Variants in OCLN observed in about 807,000 individuals in gnomAD.
OCLN encodes the protein phosphatase 1, regulatory subunit 115.
In OCLN, 21 loss-of-function variants were observed where a neutral mutation model predicts 47.9. That is an observed-to-expected ratio of 0.44 (90% CI 0.31 to 0.63). The LOEUF (loss-of-function observed/expected upper bound fraction) is 0.63. Ranked by LOEUF, OCLN falls within the 30% of genes least tolerant of loss-of-function variation. The pLI, the probability that OCLN is intolerant of heterozygous loss-of-function variation, is 0.08. For synonymous variants in OCLN, 117 were observed against 198.4 expected, an observed-to-expected ratio of 0.59 and a Z score of 3.45; for missense variants, 360 against 571.0, an observed-to-expected ratio of 0.63 and a Z score of 3.77.
At chr5:69,527,353 G>C (rs969326071) in intron 4 of OCLN, among the ~76,000 whole-genome samples, 3 of 152,094 alleles carry the variant, frequency 2.0e-5, no homozygotes, top group Admixed American at 6.5e-5. Context: ...ACCATTCCAC[G>C]GCTGCTAGTC....
intron 1 of OCLN, among the ~76,000 whole-genome samples, chr5:69,503,779 A>T (rs535500982): frequency 6.6e-6 from 1 of 152,276 alleles, no homozygotes; most frequent in African/African-American, 2.4e-5. Context: ...TTTTATTATC[A>T]TTTTTAATGA....
chr5:69,523,567 G>A (rs1295561082), intron 4 of OCLN, among the ~76,000 whole-genome samples: 2 of 147,740 alleles, frequency 1.4e-5, no homozygotes, highest in East Asian at 2.0e-4. Flanking sequence ...ATGAAGTCTT[G>A]CTCTGTCACA....
chr5:69,493,265 G>T lies in OCLN; in HGVS notation c.-69+365G>T, dbSNP rs1020370479. Among the ~76,000 whole-genome samples the T allele has an allele frequency of 1.4e-4, 21 of 152,012 alleles. No homozygotes were observed. The highest frequency in any genetic ancestry group is 2.8e-4 in the Non-Finnish European group (19 of 67,974). On this transcript the variant is annotated intron_variant, in intron 1 of 8. Coordinates refer to ENST00000396442, the MANE Select transcript of OCLN (RefSeq NM_001205254.2). This position sits in a 1 kb window ranked among gnomAD's most constrained non-coding sequence, Gnocchi z 5.3. The stretch of plus-strand genomic sequence containing the variant: ...TGCATCCGCTCTGGGGCTGCAGTTT[G>T]GGGGGGCGGCCTTCATGGAGAGGGA...
chr5:69,549,584 G>A (rs1580596583), intron 7 of OCLN, among the ~76,000 whole-genome samples: 1 of 138,690 alleles, frequency 7.2e-6, no homozygotes, highest in African/African-American at 2.6e-5. Flanking sequence ...TCCCTCCCTT[G>A]ATCACCTGGC....
chr5:69,529,367 C>A (rs969660112), intron 4 of OCLN, among the ~76,000 whole-genome samples: 14 of 152,196 alleles, frequency 9.2e-5, no homozygotes, highest in African/African-American at 3.4e-4. Flanking sequence ...CAGAACACTT[C>A]TAATGAGTAC....
At chr5:69,498,766 G>C (rs1022936919) in intron 1 of OCLN, among the ~76,000 whole-genome samples, 2 of 151,844 alleles carry the variant, frequency 1.3e-5, no homozygotes, top group African/African-American at 4.8e-5. Flanking sequence ...TGCAAACTCT[G>C]CCTCCTGGGC....
intron 2 of OCLN, among the ~76,000 whole-genome samples, chr5:69,505,428 G>A (rs1265222014): frequency 6.6e-6 from 1 of 152,082 alleles, no homozygotes; most frequent in Non-Finnish European, 1.5e-5. Flanking sequence ...CCTATCCATT[G>A]GCAGTCACCT....
chr5:69,516,690 T>G (rs1047050847), intron 4 of OCLN, among the ~76,000 whole-genome samples: 1 of 152,188 alleles, frequency 6.6e-6, no homozygotes, highest in Admixed American at 6.5e-5. Context: ...TCCTATATGA[T>G]GTGATTTGCT....
At chr5:69,525,915 G>T (rs1035286497) in intron 4 of OCLN, among the ~76,000 whole-genome samples, 2 of 152,256 alleles carry the variant, frequency 1.3e-5, no homozygotes, top group Non-Finnish European at 2.9e-5. Context: ...ACCCTCAGCT[G>T]TTCTCATGCC....
intron 3 of OCLN, 88 bp downstream of exon 3, chr5:69,509,907 T>A: frequency 2.0e-6 from 2 of 1,003,440 alleles, no homozygotes; most frequent in Non-Finnish European, 3.1e-6. Flanking sequence ...TGGAAACTCT[T>A]AAAAAATATT....
At chr5:69,499,694 C>T (rs1331145169) in intron 1 of OCLN, among the ~76,000 whole-genome samples, 4 of 152,096 alleles carry the variant, frequency 2.6e-5, no homozygotes, top group Admixed American at 1.3e-4. Flanking sequence ...AAGCGATTCT[C>T]CTGCCTCAGC....
chr5:69,513,614 A>G (rs571729735), intron 3 of OCLN, among the ~76,000 whole-genome samples: 64 of 152,344 alleles, frequency 4.2e-4, no homozygotes, highest in Admixed American at 2.3e-3. Context: ...GTAGGTGCAC[A>G]AAGCTTGGCC....
intron 1 of OCLN, among the ~76,000 whole-genome samples, chr5:69,501,064 G>A (rs922535478): frequency 9.2e-5 from 14 of 151,942 alleles, no homozygotes; most frequent in African/African-American, 2.7e-4. Context: ...TTACAGGCAC[G>A]TGCCACCATG....
At chr5:69,530,487 G>C (rs1489764096) in intron 4 of OCLN, 1 of 152,010 alleles carries the variant, frequency 6.6e-6, no homozygotes, top group Non-Finnish European at 1.5e-5. Context: ...AAATATTTTA[G>C]CCTTTTTTCA....
Position 69,509,746 on chromosome 5 carries a change from T to C in OCLN, c.656T>C (p.Phe219Ser), listed in dbSNP as rs267606926. 4 of 1,614,166 alleles carry C rather than the reference T, an allele frequency of 2.5e-6. No homozygotes were observed. Among genetic ancestry groups the C allele is most frequent in the Non-Finnish European group, 3.4e-6 (4 of 1,180,010 alleles). Residue 219 changes from phenylalanine to serine, a missense_variant, in exon 3 of 9, where the codon TTT becomes TCT. Phe to Ser is a radical substitution (Grantham distance 155, BLOSUM62 -2). Around this residue, in one of 3 missense-constraint regions of OCLN, gnomAD observed 314 missense variants for 368.1 expected, o/e 0.85. Coordinates refer to ENST00000396442, the MANE Select transcript of OCLN (RefSeq NM_001205254.2). ...GSQIYALCNQ[F>S]YTPAATGLYV... ...CAAATATATGCCCTCTGCAACCAAT[T>C]TTATACACCTGCAGCTACTGGACTC...
In OCLN at chr5:69,504,227, G is replaced by C. The variant is rs769150064; in HGVS notation, c.-18G>C. On this transcript the variant is annotated 5_prime_UTR_variant, in exon 2 of 9. Transcript: ENST00000396442. The stretch of plus-strand genomic sequence containing the variant: ...GCATTGCTCATCCTGAAGATCAGCT[G>C]ACCATTGACAATCAGCCATGTCATC... 6.3e-7 allele frequency: 1 copy of C among 1,596,450 alleles called. No homozygotes were observed. Among genetic ancestry groups the C allele is most frequent in the Admixed American group, 1.7e-5 (1 of 59,994 alleles).
intron 4 of OCLN, among the ~76,000 whole-genome samples, chr5:69,533,255 G>T (rs1312453915): frequency 6.6e-6 from 1 of 151,974 alleles, no homozygotes; most frequent in African/African-American, 2.4e-5. Flanking sequence ...AGAAGCTGAG[G>T]CAAAATTAAT....
chr5:69,536,460 C>T (rs999781259), intron 5 of OCLN, among the ~76,000 whole-genome samples: 11 of 131,442 alleles, frequency 8.4e-5, no homozygotes, highest in African/African-American at 3.1e-4. Context: ...CACCTGAGGT[C>T]AGGAGTTCGA....
intron 1 of OCLN, among the ~76,000 whole-genome samples, chr5:69,496,559 T>A (rs57700782): frequency 2.0e-5 from 3 of 146,394 alleles, no homozygotes; most frequent in African/African-American, 7.9e-5. Flanking sequence ...TCTTTTTTTA[T>A]ACTTTTTTTT....
Sources: allele counts gnomAD v4.1 joint callset (sites outside exome capture counted in the v4.1 genomes callset), GRCh38; gene constraint gnomAD v4.1.1; regional missense constraint gnomAD v4.1.1; non-coding constraint Gnocchi (gnomAD v3.1); transcripts MANE v1.5; gene names NCBI Gene and HGNC (gene_info 2026-07-23, HGNC 2026-07-21).